The following GPX6 variants were observed in gnomAD, a reference collection of about 807,000 sequenced individuals.
The protein encoded by GPX6 is glutathione peroxidase 6.
A neutral mutation model predicts 20.0 loss-of-function variants in GPX6; 21 were observed. The observed-to-expected ratio is 1.05, with a 90% CI of 0.74 to 1.51. The LOEUF is 1.51. Among genes scored for constraint, GPX6 ranks in the 40% most tolerant of loss-of-function variants. The pLI is 0.00. For missense variants in GPX6, 233 were observed against 254.7 expected, an observed-to-expected ratio of 0.91 and a Z score of 0.58; for synonymous variants, 75 against 98.0, an observed-to-expected ratio of 0.77 and a Z score of 1.38.
At chr6:28,512,056 T>C (rs186809746) in intron 1 of GPX6, among the ~76,000 whole-genome samples, 2,720 of 152,328 alleles carry the variant, frequency 0.018, 73 homozygotes, top group African/African-American at 0.055. Context: ...CAGCCCGCCA[T>C]GCCTGAGCCT....
chr6:28,509,365 CAAAA>C (rs34508933), intron 2 of GPX6, among the ~76,000 whole-genome samples: 3 of 101,106 alleles, frequency 3.0e-5, no homozygotes, highest in African/African-American at 3.3e-5. Context: ...GCTAAAAATG[CAAAA>C]AAAAAAAAAA....
Position 28,513,246 on chromosome 6 carries a change from C to T in GPX6, c.88-2342G>A, listed in dbSNP as rs185157650. Among the ~76,000 whole-genome samples, 416 of 152,216 alleles carry T rather than the reference C, an allele frequency of 2.7e-3. 3 individuals carry two copies. Among genetic ancestry groups the T allele is most frequent in the Middle Eastern group, 0.01 (3 of 294 alleles). ...AGATCCCTGGGATACAGAAAGTCCT[C>T]TGTCTTTGTGATAAGGCAGGGGTCT... is the stretch of plus-strand genomic sequence containing the variant. On this transcript the variant is annotated intron_variant, in intron 1 of 4. Transcript: ENST00000361902.
intron 1 of GPX6, among the ~76,000 whole-genome samples, chr6:28,513,366 G>T (rs970420685): frequency 6.6e-6 from 1 of 152,164 alleles, no homozygotes; most frequent in Non-Finnish European, 1.5e-5. Flanking sequence ...TTCACTCCTA[G>T]ACACTGCCTT....
chr6:28,508,243 T>C (rs866446863), intron 2 of GPX6, among the ~76,000 whole-genome samples: 7 of 152,362 alleles, frequency 4.6e-5, no homozygotes, highest in Middle Eastern at 3.4e-3. Flanking sequence ...ATCACAACTT[T>C]TAAAATTTAC....
chr6:28,505,829 C>A, intron 3 of GPX6, 27 bp from the exon 4 acceptor site: 1 of 1,560,436 alleles, frequency 6.4e-7, no homozygotes, highest in Non-Finnish European at 8.8e-7. Context: ...TTGTTCCCAG[C>A]AAGATACAAA....
rs201869442 is a variant in GPX6 at position 28,504,254 on chromosome 6, G to A, written c.*38C>T. On this transcript the variant is annotated 3_prime_UTR_variant, in exon 5 of 5. Coordinates refer to ENST00000361902, the MANE Select transcript of GPX6 (RefSeq NM_182701.1). ...CTTTGTTAGACATTCCTGCAGGTGG[G>A]AGACAGGGTAGTTATTTCTGTCAGT... The A allele has an allele frequency of 7.0e-6, 11 of 1,566,934 alleles. No homozygotes were observed. The highest frequency in any genetic ancestry group is 8.8e-6 in the Non-Finnish European group (10 of 1,138,174).
chr6:28,513,504 C>T (rs975372967), intron 1 of GPX6, among the ~76,000 whole-genome samples: 16 of 152,288 alleles, frequency 1.1e-4, no homozygotes, highest in Non-Finnish European at 2.1e-4. Flanking sequence ...GACAAGGGAA[C>T]TTTTCCGGTT....
intron 1 of GPX6, among the ~76,000 whole-genome samples, chr6:28,512,090 G>A (rs1021832623): frequency 2.6e-5 from 4 of 152,234 alleles, no homozygotes; most frequent in Non-Finnish European, 5.9e-5. Context: ...GGGCTCCTGC[G>A]CGGCCCGAGC....
intron 1 of GPX6, among the ~76,000 whole-genome samples, chr6:28,512,615 C>T (rs1049974125): frequency 2.6e-5 from 4 of 152,168 alleles, no homozygotes; most frequent in Non-Finnish European, 4.4e-5. Flanking sequence ...AGGCGGCTGC[C>T]GGAGCCAGCA....
chr6:28,512,864 C>T (rs1052319029), intron 1 of GPX6, among the ~76,000 whole-genome samples: 14 of 152,090 alleles, frequency 9.2e-5, no homozygotes, highest in South Asian at 2.1e-4. Flanking sequence ...GGCTTTGCAG[C>T]TTCACTCTTG....
intron 1 of GPX6, among the ~76,000 whole-genome samples, chr6:28,513,030 C>G (rs1417027701): frequency 2.6e-5 from 4 of 152,148 alleles, no homozygotes; most frequent in Admixed American, 6.5e-5. Context: ...AAAAACCCAC[C>G]AATTTTGAAC....
intron 2 of GPX6, among the ~76,000 whole-genome samples, chr6:28,510,188 G>A (rs764033790): frequency 6.6e-6 from 1 of 152,190 alleles, no homozygotes; most frequent in Non-Finnish European, 1.5e-5. Context: ...CACGAACATT[G>A]TCCAAATCGC....
At chr6:28,511,744 T>TA (rs1762880316) in intron 1 of GPX6, among the ~76,000 whole-genome samples, 1 of 152,256 alleles carries the variant, frequency 6.6e-6, no homozygotes, top group Non-Finnish European at 1.5e-5. Context: ...TGGTCGCGCT[T>TA]AAGAGGCCCT....
At chr6:28,510,936 T>A in intron 1 of GPX6, 32 bp from the exon 2 acceptor site, 1 of 1,564,936 alleles carries the variant, frequency 6.4e-7, no homozygotes, top group Non-Finnish European at 8.7e-7. Flanking sequence ...CATAACGATA[T>A]AAGATAAAAA....
intron 1 of GPX6, among the ~76,000 whole-genome samples, chr6:28,513,258 T>C (rs560968235): frequency 8.1e-6 from 1 of 123,152 alleles, no homozygotes; most frequent in African/African-American, 2.6e-5. Context: ...GTCTTTGTGA[T>C]AAGGCAGGGG....
chr6:28,515,548 T>G (rs1763009884), intron 1 of GPX6, 109 bp downstream of exon 1: 4 of 764,180 alleles, frequency 5.2e-6, no homozygotes, highest in Non-Finnish European at 9.1e-6. Context: ...GGGCTGGGAA[T>G]GCAGATCTTG....
chr6:28,506,989 A>G (rs1334204522), intron 2 of GPX6, among the ~76,000 whole-genome samples: 3 of 152,132 alleles, frequency 2.0e-5, no homozygotes, highest in Non-Finnish European at 4.4e-5. Flanking sequence ...GGAGTGGTAG[A>G]GAAAGAGAAA....
intron 1 of GPX6, among the ~76,000 whole-genome samples, chr6:28,511,699 C>G (rs1034515714): frequency 3.9e-5 from 6 of 152,276 alleles, no homozygotes; most frequent in South Asian, 2.1e-4. Flanking sequence ...AGCCTTTGCT[C>G]GCTCTCCGCG....
chr6:28,513,434 T>G (rs564678787), intron 1 of GPX6, among the ~76,000 whole-genome samples: 1 of 152,092 alleles, frequency 6.6e-6, no homozygotes, highest in Non-Finnish European at 1.5e-5. Flanking sequence ...CCCGTACAGG[T>G]TTGAGCGGCG....
Sources: gnomAD v4.1 joint callset for allele counts (sites outside exome capture counted in the v4.1 genomes callset) on GRCh38, gnomAD v4.1.1 for gene constraint, MANE v1.5 for transcripts, NCBI Gene and HGNC (gene_info 2026-07-23, HGNC 2026-07-21) for gene names.